Variants in ARHGAP6 observed in about 807,000 individuals in gnomAD.
ARHGAP6 encodes rho GTPase-activating protein 6.
In ARHGAP6, 16 loss-of-function variants were observed where a neutral mutation model predicts 55.7. That is an observed-to-expected ratio of 0.29 (90% CI 0.19 to 0.44). ARHGAP6 has a LOEUF of 0.44. Among genes scored for constraint, ARHGAP6 ranks in the 20% least tolerant of loss-of-function variants. The pLI is 1.00. For synonymous variants in ARHGAP6, 382 were observed against 360.9 expected (o/e 1.06, Z -0.66); for missense variants, 698 against 808.9 (o/e 0.86, Z 1.66).
chrX:11,297,917 C>A (rs768159489), intron 1 of ARHGAP6, among the ~76,000 whole-genome samples: 138 of 112,461 alleles, frequency 1.2e-3, no homozygotes, highest in African/African-American at 4.1e-3. Flanking sequence ...GATTTACTCC[C>A]TGTGTAACCT....
At chrX:11,517,388 T>G (rs189445301) in intron 1 of ARHGAP6, among the ~76,000 whole-genome samples, 1 of 111,329 alleles carries the variant, frequency 9.0e-6, no homozygotes, top group Non-Finnish European at 1.9e-5. Flanking sequence ...TCTACAAGGG[T>G]GTGGATGCGA....
At chrX:11,569,166 G>C (rs752257087) in intron 1 of ARHGAP6, among the ~76,000 whole-genome samples, 4 of 111,503 alleles carry the variant, frequency 3.6e-5, no homozygotes, top group African/African-American at 6.5e-5. Flanking sequence ...TCATGTGGCA[G>C]TGTCTGGAGA....
At chrX:11,271,623 G>C (rs1294756810) in intron 1 of ARHGAP6, among the ~76,000 whole-genome samples, 1 of 111,543 alleles carries the variant, frequency 9.0e-6, no homozygotes, top group African/African-American at 3.3e-5. Flanking sequence ...CCTAAAATGT[G>C]AGCTGTGGAC....
At chrX:11,463,814 C>T (rs947020568) in intron 1 of ARHGAP6, among the ~76,000 whole-genome samples, 5 of 112,309 alleles carry the variant, frequency 4.5e-5, no homozygotes, top group Admixed American at 1.9e-4. Context: ...AACTATGAAC[C>T]GCATTTAGTG....
intron 1 of ARHGAP6, among the ~76,000 whole-genome samples, chrX:11,639,426 T>C (rs972479893): frequency 9.2e-6 from 1 of 109,136 alleles, no homozygotes; most frequent in Non-Finnish European, 1.9e-5. Flanking sequence ...AGTTGTCTCA[T>C]TGTTCAATTC....
intron 2 of ARHGAP6, among the ~76,000 whole-genome samples, chrX:11,201,578 C>CA (rs1555969155): frequency 2.7e-5 from 3 of 110,637 alleles, no homozygotes; most frequent in African/African-American, 9.9e-5. Context: ...AGAACATACC[C>CA]GGACTCGGTG....
At chrX:11,235,112 G>T (rs768776531) in intron 2 of ARHGAP6, among the ~76,000 whole-genome samples, 1 of 112,769 alleles carries the variant, frequency 8.9e-6, no homozygotes, top group Admixed American at 9.3e-5. Flanking sequence ...AGGTTTCCAT[G>T]AGGGCTATGC....
intron 1 of ARHGAP6, among the ~76,000 whole-genome samples, chrX:11,382,000 C>T (rs1396393316): frequency 9.0e-6 from 1 of 111,416 alleles, no homozygotes; most frequent in Non-Finnish European, 1.9e-5. Flanking sequence ...CATTTGGCTC[C>T]CTTTAGCTTC....
chrX:11,335,213 T>C, intron 1 of ARHGAP6: 1 of 144,957 alleles, frequency 6.9e-6, no homozygotes, highest in Non-Finnish European at 1.5e-5. Context: ...AATGGGCAGG[T>C]ATTCCTTGTC....
At chrX:11,296,729 T>C (rs771416423) in intron 1 of ARHGAP6, 1 of 1,140,537 alleles carries the variant, frequency 8.8e-7, no homozygotes, top group East Asian at 3.0e-5. Context: ...CTTCCTTCAC[T>C]CTCTCCCTTC....
At chrX:11,529,632 G>T (rs1411300101) in intron 1 of ARHGAP6, among the ~76,000 whole-genome samples, 2 of 111,544 alleles carry the variant, frequency 1.8e-5, no homozygotes, top group Non-Finnish European at 3.8e-5. Context: ...TTTCACTATT[G>T]AAAACATAGG....
intron 1 of ARHGAP6, among the ~76,000 whole-genome samples, chrX:11,484,613 G>T (rs2050493224): frequency 9.1e-6 from 1 of 109,597 alleles, no homozygotes; most frequent in Non-Finnish European, 1.9e-5. Flanking sequence ...AGGAAGAAAA[G>T]AAAAGAGAAA....
intron 8 of ARHGAP6, 65 bp from the exon 9 acceptor site, chrX:11,169,749 C>T: frequency 2.3e-6 from 2 of 877,999 alleles, no homozygotes; most frequent in Admixed American, 7.5e-5. Flanking sequence ...GGTGATTCAA[C>T]AATCAATGAA....
intron 2 of ARHGAP6, among the ~76,000 whole-genome samples, chrX:11,214,682 A>C (rs2046853751): frequency 8.8e-6 from 1 of 113,378 alleles, no homozygotes; most frequent in African/African-American, 3.2e-5. Flanking sequence ...GGGGGAGGGC[A>C]TGCCTGCAGG....
At chrX:11,314,567 T>C (rs1048999833) in intron 1 of ARHGAP6, among the ~76,000 whole-genome samples, 2 of 112,515 alleles carry the variant, frequency 1.8e-5, no homozygotes, top group Non-Finnish European at 3.7e-5. Context: ...AGGGAAAACA[T>C]TTTGCTAAGG....
chrX:11,459,610 T>C (rs1194764360), intron 1 of ARHGAP6, among the ~76,000 whole-genome samples: 1 of 111,896 alleles, frequency 8.9e-6, no homozygotes, highest in Admixed American at 9.5e-5. Flanking sequence ...AATTCATCCA[T>C]TTGTACACTT....
At chrX:11,456,289 A>G (rs528355549) in intron 1 of ARHGAP6, among the ~76,000 whole-genome samples, 37 of 111,605 alleles carry the variant, frequency 3.3e-4, no homozygotes, top group African/African-American at 1.1e-3. Context: ...ATTCTTCCCC[A>G]TTTTTTACAG....
At chrX:11,179,170 A>G in intron 7 of ARHGAP6, 132 bp downstream of exon 7, 1 of 629,991 alleles carries the variant, frequency 1.6e-6, no homozygotes, top group Non-Finnish European at 2.3e-6. Context: ...ATTCCCTCAA[A>G]TAGCTCACTC....
chrX:11,182,155 A>G (rs750346119), intron 5 of ARHGAP6, 37 bp from the exon 6 acceptor site: 5 of 1,129,040 alleles, frequency 4.4e-6, no homozygotes, highest in Non-Finnish European at 6.1e-6. Context: ...GTCTTGTTTC[A>G]TGGCTTGAGA....
Sources: gnomAD v4.1 joint callset for allele counts (sites outside exome capture counted in the v4.1 genomes callset) on GRCh38, gnomAD v4.1.1 for gene constraint, MANE v1.5 for transcripts, NCBI Gene and HGNC (gene_info 2026-07-23, HGNC 2026-07-21) for gene names.